Variants in NRF1 observed in about 807,000 individuals in gnomAD.
NRF1 encodes nuclear respiratory factor 1.
NRF1 carries 5 observed loss-of-function variants against 58.5 expected under a neutral mutation model. The observed-to-expected ratio is 0.09, with a 90% CI of 0.04 to 0.18. NRF1 has a LOEUF of 0.18. Ranked by LOEUF, NRF1 falls within the 10% of genes least tolerant of loss-of-function variation. NRF1 has a pLI of 1.00. For synonymous variants in NRF1, 224 were observed against 246.7 expected (o/e 0.91, Z 0.86); for missense variants, 288 against 657.7 (o/e 0.44, Z 6.15).
At chr7:129,700,967 T>A (rs1802811670) in intron 5 of NRF1, among the ~76,000 whole-genome samples, 1 of 152,066 alleles carries the variant, frequency 6.6e-6, no homozygotes, top group Admixed American at 6.5e-5. Flanking sequence ...ATAAAAACAC[T>A]GGATGTGTTC....
chr7:129,711,345 G>T, intron 7 of NRF1, 130 bp from the exon 8 acceptor site: 2 of 615,252 alleles, frequency 3.3e-6, no homozygotes, highest in South Asian at 4.8e-5. Flanking sequence ...TATGATTTTA[G>T]ATTTCACATC....
chr7:129,709,066 C>A lies in NRF1; in HGVS notation c.607-9C>A. ...CATGAGTATTGATGACCACACTGTT[C>A]TCTTCCAGGCCCAGCTTCGGGCATT... is the stretch of plus-strand genomic sequence containing the variant. On this transcript the variant is annotated splice_polypyrimidine_tract_variant and intron_variant, in intron 5 of 10. Transcript: ENST00000393232. 1 of 1,516,368 alleles carries A rather than the reference C, an allele frequency of 6.6e-7. No individual in the cohort carries two copies. The highest frequency in any genetic ancestry group is 1.3e-5 in the South Asian group (1 of 74,996). 93.9% of individuals were successfully genotyped at this position (1,516,368 alleles called of 1,614,324 possible). A position where few individuals can be genotyped will look rare whatever the true frequency, so the allele number is the denominator to read the frequency against.
chr7:129,716,576 A>G (rs1326346583), intron 8 of NRF1, among the ~76,000 whole-genome samples: 2 of 152,164 alleles, frequency 1.3e-5, no homozygotes. Context: ...AACGTATTTA[A>G]AAGTGTAGAG....
intron 1 of NRF1, 123 bp downstream of exon 1, chr7:129,611,947 T>TGGGCCC (rs1486873879): frequency 6.8e-6 from 1 of 148,076 alleles, no homozygotes; most frequent in Non-Finnish European, 1.5e-5. Flanking sequence ...GCTCTGGGCC[T>TGGGCCC]GGGCCCCCGC....
chr7:129,711,587 G>T lies in NRF1; in HGVS notation c.1065+11G>T, dbSNP rs755171700. ...GTGGCTGATGGAGAGGTAAGAAAGAGATTCCATCTGCATCTTCTTAAATAC... is the reference window on the plus strand; with the variant it reads ...GTGGCTGATGGAGAGGTAAGAAAGATATTCCATCTGCATCTTCTTAAATAC... On this transcript the variant is annotated intron_variant, in intron 8 of 10. Coordinates refer to ENST00000393232, the MANE Select transcript of NRF1 (RefSeq NM_005011.5). The T allele has an allele frequency of 2.5e-6, 4 of 1,593,060 alleles. No homozygotes were observed. In the Admixed American group the frequency reaches 6.8e-5, roughly 27 times the overall value.
At chr7:129,697,955 C>G (rs74923634) in intron 5 of NRF1, among the ~76,000 whole-genome samples, 23,324 of 152,034 alleles carry the variant, frequency 0.15, 1,920 homozygotes, top group African/African-American at 0.22. Flanking sequence ...TGGTCTCGAA[C>G]TGCTGAGCTC....
intron 7 of NRF1, among the ~76,000 whole-genome samples, chr7:129,711,265 A>G (rs186323996): frequency 3.3e-5 from 5 of 152,322 alleles, no homozygotes; most frequent in Non-Finnish European, 5.9e-5. Context: ...AGCTTTTCTC[A>G]TATGGACTTA....
In NRF1 at chr7:129,700,358, C is replaced by A. The variant is rs192207590; in HGVS notation, c.607-8717C>A. Among the ~76,000 whole-genome samples the A allele has an allele frequency of 6.6e-4, 101 of 152,236 alleles. No individual in the cohort carries two copies. The East Asian group carries it at 0.015, about 23-fold the overall frequency. ...TAGAGTCACCTAGGGAACTTAAAATCCTAGTGCCCCGGCCACACTCCAGAC... is the reference window on the plus strand; with the variant it reads ...TAGAGTCACCTAGGGAACTTAAAATACTAGTGCCCCGGCCACACTCCAGAC... On this transcript the variant is annotated intron_variant, in intron 5 of 10. Transcript: ENST00000393232.
At chr7:129,736,610 A>ATT (rs71167212) in intron 10 of NRF1, among the ~76,000 whole-genome samples, 55 of 146,862 alleles carry the variant, frequency 3.7e-4, no homozygotes, top group South Asian at 1.3e-3. Context: ...AGGTATTTGT[A>ATT]TTTTTTTTTG....
chr7:129,700,566 CA>C (rs556068020), intron 5 of NRF1, among the ~76,000 whole-genome samples: 73 of 152,178 alleles, frequency 4.8e-4, no homozygotes, highest in African/African-American at 1.6e-3. Flanking sequence ...CTGAAATTAT[CA>C]AAAAATGTTT....
At position 129,619,396 on chromosome 7, in the gene NRF1, G is replaced by A. The variant is rs74327395; in HGVS notation, c.-7+7572G>A. On this transcript the variant is annotated intron_variant, in intron 1 of 10. Coordinates refer to ENST00000393232, the MANE Select transcript of NRF1 (RefSeq NM_005011.5). Reference sequence around the variant, plus strand: ...GATAAAAACTGGACTTGGCATACGTGTATATATATATATATATATATATAT... The same window carrying A: ...GATAAAAACTGGACTTGGCATACGTATATATATATATATATATATATATAT... Among the ~76,000 whole-genome samples, 436 of 47,260 alleles carry A rather than the reference G, an allele frequency of 9.2e-3. 6 individuals carry two copies. The highest frequency in any genetic ancestry group is 0.022 in the East Asian group (19 of 864). The allele number at this position is 47,260 out of a possible 152,430, so 31.0% of individuals were successfully genotyped here.
intron 5 of NRF1, among the ~76,000 whole-genome samples, chr7:129,697,884 G>A (rs1254384701): frequency 6.6e-6 from 1 of 151,928 alleles, no homozygotes; most frequent in Non-Finnish European, 1.5e-5. Context: ...ACAGGCGGAC[G>A]CCACCACGCT....
At chr7:129,746,083 C>G (rs867772555) in intron 10 of NRF1, among the ~76,000 whole-genome samples, 8 of 152,198 alleles carry the variant, frequency 5.3e-5, no homozygotes, top group Admixed American at 6.5e-5. Flanking sequence ...ACCTGTGAGG[C>G]TGCTCTTGGC....
At chr7:129,700,893 G>C (rs552590475) in intron 5 of NRF1, among the ~76,000 whole-genome samples, 182 of 152,226 alleles carry the variant, frequency 1.2e-3, no homozygotes, top group African/African-American at 4.1e-3. Context: ...TTCAGCCTGA[G>C]CAAAAGAGCG....
At chr7:129,709,835 A>G (rs1434660107) in intron 6 of NRF1, among the ~76,000 whole-genome samples, 2 of 150,350 alleles carry the variant, frequency 1.3e-5, no homozygotes, top group African/African-American at 2.4e-5. Context: ...GGTTCAAGCA[A>G]TTCTTCTGTC....
chr7:129,716,012 C>CAA (rs1290300125), intron 8 of NRF1, among the ~76,000 whole-genome samples: 2 of 146,482 alleles, frequency 1.4e-5, no homozygotes, highest in African/African-American at 2.5e-5. Context: ...TCTCCAACAA[C>CAA]AAAAAAAAAA....
At chr7:129,664,089 C>T (rs967032814) in intron 2 of NRF1, among the ~76,000 whole-genome samples, 38 of 147,458 alleles carry the variant, frequency 2.6e-4, no homozygotes, top group Middle Eastern at 3.5e-3. Context: ...CTTGGCAGTA[C>T]AGTCCAGGCT....
intron 1 of NRF1, among the ~76,000 whole-genome samples, chr7:129,637,527 T>C (rs1801193332): frequency 6.6e-6 from 1 of 152,178 alleles, no homozygotes; most frequent in Admixed American, 6.6e-5. Context: ...AGAAATAAAG[T>C]TTTTATAATC....
At chr7:129,691,727 A>T (rs947629987) in intron 5 of NRF1, among the ~76,000 whole-genome samples, 1 of 152,048 alleles carries the variant, frequency 6.6e-6, no homozygotes, top group Non-Finnish European at 1.5e-5. Context: ...TATCTTATTC[A>T]GTCTTCAGCA....
Sources: allele counts gnomAD v4.1 joint callset (sites outside exome capture counted in the v4.1 genomes callset), GRCh38; gene constraint gnomAD v4.1.1; transcripts MANE v1.5; gene names NCBI Gene and HGNC (gene_info 2026-07-23, HGNC 2026-07-21).